Variants in CLVS1 observed in about 807,000 individuals in gnomAD.
CLVS1 encodes the protein clavesin-1.
CLVS1 carries 10 observed loss-of-function variants against 33.1 expected under a neutral mutation model. That is an observed-to-expected ratio of 0.30 (90% CI 0.19 to 0.51). CLVS1 has a LOEUF of 0.51. Among genes scored for constraint, CLVS1 ranks in the 20% least tolerant of loss-of-function variants. The pLI, the probability that CLVS1 is intolerant of heterozygous loss-of-function variation, is 0.97. For missense variants in CLVS1, 343 were observed against 433.4 expected, an observed-to-expected ratio of 0.79 and a Z score of 1.85; for synonymous variants, 163 against 166.1, an observed-to-expected ratio of 0.98 and a Z score of 0.14.
At chr8:61,007,651 G>A in the CLVS1 span, among the ~76,000 whole-genome samples, 2 of 152,126 alleles carry the variant, frequency 1.3e-5, no homozygotes, top group Non-Finnish European at 2.9e-5. Flanking sequence ...TCCTGAGAAC[G>A]CAAGCAGCCA....
At chr8:61,445,561 C>T (rs1473010227) in intron 3 of CLVS1, among the ~76,000 whole-genome samples, 1 of 152,174 alleles carries the variant, frequency 6.6e-6, no homozygotes, top group Non-Finnish European at 1.5e-5. Context: ...GATGCTGGCA[C>T]CATGTTTCTT....
At chr8:61,124,436 G>A (rs781337566) in intron 1 of CLVS1, among the ~76,000 whole-genome samples, 7 of 152,182 alleles carry the variant, frequency 4.6e-5, no homozygotes, top group Non-Finnish European at 7.4e-5. Flanking sequence ...AGGCAAGGCC[G>A]TCATTTCTTA....
At chr8:61,240,986 A>T (rs1221633313) in intron 2 of CLVS1, among the ~76,000 whole-genome samples, 1 of 151,408 alleles carries the variant, frequency 6.6e-6, no homozygotes, top group African/African-American at 2.4e-5. Context: ...ATAAACAGAA[A>T]TTTATTTCTC....
intron 5 of CLVS1, among the ~76,000 whole-genome samples, chr8:61,492,022 G>A (rs956060513): frequency 6.6e-6 from 1 of 152,166 alleles, no homozygotes; most frequent in Non-Finnish European, 1.5e-5. Context: ...AAAGGGTTTA[G>A]AACAGCGAGT....
At position 61,122,829 on chromosome 8, in the gene CLVS1, A is replaced by T. The variant is rs559719876; in HGVS notation, c.-242-8941A>T. On this transcript the variant is annotated intron_variant, in intron 1 of 2. Transcript: ENST00000522621. The stretch of plus-strand genomic sequence containing the variant: ...TCCCAGCTCTCTGGCTCCTTTGCTG[A>T]AAAAGGACACTCAACTCTGACGGCT... Among the ~76,000 whole-genome samples the T allele has an allele frequency of 3.4e-5, 5 of 146,310 alleles. 1 individual carries two copies. In the East Asian group the frequency reaches 1.0e-3, roughly 29 times the overall value.
At chr8:61,108,668 G>A (rs1805579638) in intron 1 of CLVS1, among the ~76,000 whole-genome samples, 1 of 152,298 alleles carries the variant, frequency 6.6e-6, no homozygotes, top group Admixed American at 6.5e-5. Context: ...CCAAGGGTTG[G>A]TATTTCATCC....
At chr8:60,987,202 C>T in the CLVS1 span, among the ~76,000 whole-genome samples, 1 of 152,180 alleles carries the variant, frequency 6.6e-6, no homozygotes, top group African/African-American at 2.4e-5. Context: ...AGCCACATAC[C>T]CAGCTTTGTG....
chr8:61,244,959 C>A (rs1169531192), intron 2 of CLVS1, among the ~76,000 whole-genome samples: 1 of 151,952 alleles, frequency 6.6e-6, no homozygotes, highest in African/African-American at 2.4e-5. Flanking sequence ...TCAAGAATTT[C>A]TTTACATATA....
At chr8:61,019,120 T>C in the CLVS1 span, among the ~76,000 whole-genome samples, 2,616 of 152,352 alleles carry the variant, frequency 0.017, 71 homozygotes, top group African/African-American at 0.059. Context: ...TACTCTCCTA[T>C]GCCTTAGATT....
chr8:61,133,055 A>G (rs1585633418), intron 2 of CLVS1, among the ~76,000 whole-genome samples: 2 of 152,180 alleles, frequency 1.3e-5, no homozygotes, highest in East Asian at 3.8e-4. Context: ...TGAGTCCTAT[A>G]GCAACCAGCA....
chr8:61,002,235 G>T, the CLVS1 span, among the ~76,000 whole-genome samples: 760 of 151,848 alleles, frequency 5.0e-3, 5 homozygotes, highest in African/African-American at 0.017. Flanking sequence ...TCTCACCTTG[G>T]CCTCCCAAAG....
chr8:61,238,225 C>A (rs1808608149), intron 2 of CLVS1, among the ~76,000 whole-genome samples: 1 of 152,076 alleles, frequency 6.6e-6, no homozygotes, highest in Non-Finnish European at 1.5e-5. Context: ...ACACTCAGGA[C>A]CTTCGGCTGC....
At chr8:61,098,378 T>C (rs147044697) in intron 1 of CLVS1, among the ~76,000 whole-genome samples, 95 of 149,792 alleles carry the variant, frequency 6.3e-4, no homozygotes, top group African/African-American at 2.2e-3. Context: ...TGAAATCAGA[T>C]TAAAATTCCC....
intron 2 of CLVS1, among the ~76,000 whole-genome samples, chr8:61,354,956 G>T (rs1234654171): frequency 6.6e-6 from 1 of 152,124 alleles, no homozygotes; most frequent in Non-Finnish European, 1.5e-5. Context: ...ATATACACAT[G>T]CACACATACA....
chr8:61,136,962 T>C (rs749812395), intron 2 of CLVS1, among the ~76,000 whole-genome samples: 43 of 152,182 alleles, frequency 2.8e-4, no homozygotes, highest in Non-Finnish European at 2.8e-4. Context: ...TGATGAAGTG[T>C]GGTGTCATGG....
intron 2 of CLVS1, among the ~76,000 whole-genome samples, chr8:61,175,457 C>A (rs1807096017): frequency 1.3e-5 from 2 of 152,270 alleles, no homozygotes; most frequent in South Asian, 4.1e-4. Flanking sequence ...TGTTTATAGG[C>A]CATCCAGTTA....
intron 1 of CLVS1, among the ~76,000 whole-genome samples, chr8:61,295,764 G>A (rs1810175413): frequency 6.6e-6 from 1 of 152,036 alleles, no homozygotes; most frequent in East Asian, 1.9e-4. Flanking sequence ...GTAATTTGGG[G>A]CAATCATTTA....
intron 3 of CLVS1, among the ~76,000 whole-genome samples, chr8:61,434,839 G>A (rs759176804): frequency 7.9e-5 from 12 of 152,098 alleles, no homozygotes; most frequent in Admixed American, 1.3e-4. Flanking sequence ...ATTATCTCCC[G>A]GGTCTAGAGA....
chr8:61,261,574 A>G lies in CLVS1; in HGVS notation c.-151-38103A>G, dbSNP rs1809203825. On this transcript the variant is annotated intron_variant, in intron 2 of 2. Transcript: ENST00000522621. Reference sequence around the variant, plus strand: ...AAGTCCTAACTCTCAATGTGATAGTATTAGGAGGTGGAGCTTTGGGGAGGT... The same window carrying G: ...AAGTCCTAACTCTCAATGTGATAGTGTTAGGAGGTGGAGCTTTGGGGAGGT... 2.0e-5 allele frequency among the ~76,000 whole-genome samples: 3 copies of G among 152,132 alleles called. No homozygotes were observed. In the South Asian group the frequency reaches 6.2e-4, roughly 31 times the overall value.
Sources: allele counts gnomAD v4.1 joint callset (sites outside exome capture counted in the v4.1 genomes callset), GRCh38; gene constraint gnomAD v4.1.1; transcripts MANE v1.5; gene names NCBI Gene and HGNC (gene_info 2026-07-23, HGNC 2026-07-21).